FAM13A: variants seen among roughly 807,000 people sequenced by gnomAD.
FAM13A encodes family with sequence similarity 13 member A.
A neutral mutation model predicts 129.6 loss-of-function variants in FAM13A; 76 were observed. That is an observed-to-expected ratio of 0.59 (90% CI 0.49 to 0.71). The LOEUF (loss-of-function observed/expected upper bound fraction) is 0.71, where lower values mean the gene tolerates loss of function less well. Among genes scored for constraint, FAM13A ranks in the 30% least tolerant of loss-of-function variants. FAM13A has a pLI of 0.00. For synonymous variants in FAM13A, 443 were observed against 449.9 expected (o/e 0.98, Z 0.20); for missense variants, 1,108 against 1,249.3 (o/e 0.89, Z 1.70).
intron 14 of FAM13A, among the ~76,000 whole-genome samples, chr4:88,752,117 C>T (rs1047530425): frequency 6.6e-6 from 1 of 152,190 alleles, no homozygotes; most frequent in Admixed American, 6.5e-5. Context: ...AGCACGCAGG[C>T]TCCTCATACT....
rs180997952 is a variant in FAM13A at position 88,738,581 on chromosome 4, G to A, written c.2562+449C>T. ...ATCCTCCAAGAAGGGCCTCTCTCTC[G>A]TTTCTCAGAGGATTTTCTCCCTGGA... On this transcript the variant is annotated intron_variant, in intron 20 of 23. Coordinates refer to ENST00000264344, the MANE Select transcript of FAM13A (RefSeq NM_014883.4). Among the ~76,000 whole-genome samples, 166 of 152,240 alleles carry A rather than the reference G, an allele frequency of 1.1e-3. 1 individual carries two copies. Among genetic ancestry groups the A allele is most frequent in the Non-Finnish European group, 1.8e-3 (122 of 68,016 alleles).
intron 6 of FAM13A, among the ~76,000 whole-genome samples, chr4:88,869,384 C>T (rs1303058480): frequency 6.6e-6 from 1 of 152,200 alleles, no homozygotes; most frequent in Non-Finnish European, 1.5e-5. Flanking sequence ...GAGGCAGGTA[C>T]TTCTGCTTCT....
intron 4 of FAM13A, among the ~76,000 whole-genome samples, chr4:88,975,678 T>C (rs945493301): frequency 6.6e-6 from 1 of 152,264 alleles, no homozygotes; most frequent in African/African-American, 2.4e-5. Flanking sequence ...AATTTGCTTT[T>C]TCTCTGCAAA....
At chr4:89,050,013 C>T (rs1771350458) in intron 1 of FAM13A, among the ~76,000 whole-genome samples, 1 of 152,154 alleles carries the variant, frequency 6.6e-6, no homozygotes, top group African/African-American at 2.4e-5. Context: ...TCTGTCTAAA[C>T]TTTATAGTCT....
chr4:88,776,520 A>G (rs1721744148), intron 11 of FAM13A, among the ~76,000 whole-genome samples: 1 of 152,230 alleles, frequency 6.6e-6, no homozygotes, highest in African/African-American at 2.4e-5. Context: ...CTTCATAACT[A>G]TAATTTTGAA....
At position 88,867,603 on chromosome 4, in the gene FAM13A, G is replaced by A. The variant is rs190682214; in HGVS notation, c.844-16420C>T. On this transcript the variant is annotated intron_variant, in intron 6 of 23. Transcript: ENST00000264344. Reference sequence around the variant, plus strand: ...TGGGGTTACCAGTACATTTGAGCGCGTAGGCAAATTCACAAATATAGAAGA... The same window carrying A: ...TGGGGTTACCAGTACATTTGAGCGCATAGGCAAATTCACAAATATAGAAGA... Among the ~76,000 whole-genome samples the A allele has an allele frequency of 2.2e-4, 33 of 152,318 alleles. 1 individual carries two copies. In the East Asian group the frequency reaches 5.8e-3, roughly 27 times the overall value.
chr4:88,981,070 C>T (rs1329294807), intron 4 of FAM13A, among the ~76,000 whole-genome samples: 1 of 152,052 alleles, frequency 6.6e-6, no homozygotes, highest in Non-Finnish European at 1.5e-5. Flanking sequence ...TTCAGGAATA[C>T]CTACAAAATT....
chr4:88,843,861 T>C (rs116323061), intron 7 of FAM13A, among the ~76,000 whole-genome samples: 2,597 of 152,296 alleles, frequency 0.017, 41 homozygotes, highest in Non-Finnish European at 0.029. Flanking sequence ...ACAGCGATGA[T>C]GTGGGGACAA....
intron 5 of FAM13A, chr4:88,936,992 A>C (rs1753956901): frequency 6.6e-6 from 1 of 152,124 alleles, no homozygotes; most frequent in South Asian, 2.1e-4. Context: ...AAATCATTTA[A>C]CTTTTCTGAG....
chr4:88,856,369 A>G (rs1487373332), intron 6 of FAM13A, among the ~76,000 whole-genome samples: 1 of 152,046 alleles, frequency 6.6e-6, no homozygotes, highest in Admixed American at 6.6e-5. Flanking sequence ...CTGTAGTCCC[A>G]ACTACTTGGG....
At chr4:88,972,620 G>C (rs372080809) in intron 4 of FAM13A, among the ~76,000 whole-genome samples, 16 of 150,482 alleles carry the variant, frequency 1.1e-4, no homozygotes, top group East Asian at 3.9e-4. Flanking sequence ...CTTTTTTTTG[G>C]GGGGGAGAAC....
intron 7 of FAM13A, among the ~76,000 whole-genome samples, chr4:88,850,255 C>T (rs1737327532): frequency 6.6e-6 from 1 of 151,938 alleles, no homozygotes; most frequent in Admixed American, 6.6e-5. Flanking sequence ...CCAAATTTAC[C>T]TATTTTAAGA....
intron 11 of FAM13A, among the ~76,000 whole-genome samples, chr4:88,774,801 TGAAG>T (rs957474266): frequency 1.1e-4 from 17 of 152,150 alleles, no homozygotes; most frequent in African/African-American, 2.4e-5. Context: ...ATTGAAATGT[TGAAG>T]GAAGGATGGA....
chr4:88,918,181 T>A (rs1291243710), intron 5 of FAM13A, among the ~76,000 whole-genome samples: 1 of 152,370 alleles, frequency 6.6e-6, no homozygotes, highest in East Asian at 1.9e-4. Context: ...TATTATAGTG[T>A]CTTTCATATT....
chr4:88,970,422 G>A (rs1759915594), intron 4 of FAM13A, among the ~76,000 whole-genome samples: 1 of 151,536 alleles, frequency 6.6e-6, no homozygotes, highest in African/African-American at 2.4e-5. Context: ...GGAAACAAGA[G>A]AGAGATGATC....
chr4:89,054,326 C>T (rs567506084), intron 1 of FAM13A, among the ~76,000 whole-genome samples: 1 of 151,360 alleles, frequency 6.6e-6, no homozygotes, highest in South Asian at 2.1e-4. Context: ...CACGTACGTA[C>T]TACAGATATC....
intron 6 of FAM13A, among the ~76,000 whole-genome samples, chr4:88,894,753 C>T (rs1475397431): frequency 6.6e-6 from 1 of 152,160 alleles, no homozygotes; most frequent in African/African-American, 2.4e-5. Context: ...AACTCCTGGC[C>T]TCACGTGATC....
chr4:88,771,441 GTACTTGTCTAACAAGAAAA>G (rs1175786207), intron 11 of FAM13A, among the ~76,000 whole-genome samples: 1 of 152,130 alleles, frequency 6.6e-6, no homozygotes, highest in Non-Finnish European at 1.5e-5. Context: ...GGTGCTAATA[GTACTTGTCTAACAAGAAAA>G]TATTGAGTCA....
chr4:88,815,949 A>C (rs1180058538), intron 7 of FAM13A, among the ~76,000 whole-genome samples: 3 of 151,926 alleles, frequency 2.0e-5, no homozygotes, highest in Non-Finnish European at 4.4e-5. Flanking sequence ...AATAGTTGCT[A>C]TCTGTACTAG....
Sources: gnomAD v4.1 joint callset for allele counts (sites outside exome capture counted in the v4.1 genomes callset) on GRCh38, gnomAD v4.1.1 for gene constraint, MANE v1.5 for transcripts, NCBI Gene and HGNC (gene_info 2026-07-23, HGNC 2026-07-21) for gene names.